Variants in FAM13A observed in about 807,000 individuals in gnomAD.
FAM13A encodes the protein family with sequence similarity 13 member A.
In FAM13A, 76 loss-of-function variants were observed where a neutral mutation model predicts 129.6. The ratio of observed to expected loss-of-function variants is 0.59; its 90% CI spans 0.49 to 0.71. FAM13A has a LOEUF of 0.71. FAM13A is among the 30% of genes least tolerant of loss of function. The pLI is 0.00. For missense variants in FAM13A, 1,108 were observed against 1,249.3 expected, an observed-to-expected ratio of 0.89 and a Z score of 1.70; for synonymous variants, 443 against 449.9, an observed-to-expected ratio of 0.98 and a Z score of 0.20.
chr4:88,990,961 C>T lies in FAM13A; in HGVS notation c.605+12G>A, dbSNP rs935531708. On this transcript the variant is annotated intron_variant, in intron 4 of 23. Transcript: ENST00000264344. ...ACATGATGATATTAACAGTAAAACT[C>T]CACTAACTTACTGAAAGCAATTTGG... 5.6e-6 allele frequency: 9 copies of T among 1,606,414 alleles called. No individual in the cohort carries two copies. The highest frequency in any genetic ancestry group is 1.1e-5 in the South Asian group (1 of 90,840).
chr4:88,960,150 G>T (rs1050865808), intron 4 of FAM13A, among the ~76,000 whole-genome samples: 2 of 152,110 alleles, frequency 1.3e-5, no homozygotes, highest in African/African-American at 4.8e-5. Context: ...TTCCCATGTG[G>T]AAATATCTAT....
chr4:88,968,371 T>C (rs1001222905), intron 4 of FAM13A, among the ~76,000 whole-genome samples: 2 of 152,184 alleles, frequency 1.3e-5, no homozygotes, highest in African/African-American at 4.8e-5. Flanking sequence ...AAACAACCAT[T>C]GTTTTCCAAC....
At chr4:88,922,539 C>T (rs1311644032) in intron 5 of FAM13A, among the ~76,000 whole-genome samples, 1 of 151,496 alleles carries the variant, frequency 6.6e-6, no homozygotes, top group Non-Finnish European at 1.5e-5. Flanking sequence ...ATCTCTGGGA[C>T]ACATTCAAAG....
At chr4:88,947,227 G>A (rs543123987) in intron 4 of FAM13A, among the ~76,000 whole-genome samples, 1 of 152,174 alleles carries the variant, frequency 6.6e-6, no homozygotes, top group Admixed American at 6.5e-5. Flanking sequence ...TGGCCAACAT[G>A]GTAAAACCCT....
intron 4 of FAM13A, among the ~76,000 whole-genome samples, chr4:88,942,458 T>C (rs1250010676): frequency 2.0e-5 from 3 of 151,852 alleles, no homozygotes; most frequent in African/African-American, 2.4e-5. Flanking sequence ...TCCCAGCTAC[T>C]TGGGAGGCTG....
intron 5 of FAM13A, among the ~76,000 whole-genome samples, chr4:88,930,271 T>C (rs1036422391): frequency 6.6e-6 from 1 of 152,210 alleles, no homozygotes; most frequent in Non-Finnish European, 1.5e-5. Context: ...TTCATGTTTT[T>C]TATGTCCTTC....
intron 4 of FAM13A, among the ~76,000 whole-genome samples, chr4:88,981,693 A>G (rs1484452463): frequency 6.6e-6 from 1 of 152,186 alleles, no homozygotes; most frequent in Non-Finnish European, 1.5e-5. Flanking sequence ...GATATGAAAT[A>G]ATGTAAAGTA....
intron 7 of FAM13A, among the ~76,000 whole-genome samples, chr4:88,825,930 T>G (rs1349075705): frequency 6.6e-6 from 1 of 152,194 alleles, no homozygotes; most frequent in Non-Finnish European, 1.5e-5. Flanking sequence ...TGATCTATTT[T>G]GGGGGCATTA....
At chr4:88,838,600 G>A (rs113285274) in intron 7 of FAM13A, among the ~76,000 whole-genome samples, 10,591 of 152,012 alleles carry the variant, frequency 0.07, 512 homozygotes, top group African/African-American at 0.14. Context: ...GGTGGCGGGC[G>A]CCTGTAGTCC....
chr4:88,894,248 A>G (rs1432731086), intron 6 of FAM13A, among the ~76,000 whole-genome samples: 1 of 152,212 alleles, frequency 6.6e-6, no homozygotes, highest in Non-Finnish European at 1.5e-5. Flanking sequence ...TATTCACTTA[A>G]AAATATTTGT....
In FAM13A at chr4:88,750,511, G is replaced by A; in HGVS notation, c.1853C>T (p.Pro618Leu). 2 of 1,614,192 alleles carry A rather than the reference G, an allele frequency of 1.2e-6. No individual in the cohort carries two copies. The highest frequency in any genetic ancestry group is 1.6e-4 in the Middle Eastern group (1 of 6,062). The change falls in exon 15 of 24, where the codon CCT becomes CTT. Residue 618 changes from proline to leucine, a missense_variant. Around this residue, in one of 3 missense-constraint regions of FAM13A, gnomAD observed 529 missense variants for 621.2 expected, o/e 0.85. Coordinates refer to ENST00000264344, the MANE Select transcript of FAM13A (RefSeq NM_014883.4). ...LDEDSDPMLSPRFYAYGQSRQ... is the reference protein window; with the variant it reads ...LDEDSDPMLSLRFYAYGQSRQ... ...GCTCTGCCCATAAGCGTAGAACCGA[G>A]GAGAGAGCATGGGGTCGCTGTCTTC...
chr4:88,770,732 G>C (rs1020852463), intron 11 of FAM13A, among the ~76,000 whole-genome samples: 1 of 151,938 alleles, frequency 6.6e-6, no homozygotes, highest in African/African-American at 2.4e-5. Context: ...ACAGGTGTTA[G>C]GAACTACAGA....
Position 88,747,869 on chromosome 4 carries a change from G to A in FAM13A, c.2162-18C>T. ...TTTTGATTCTAGTTGAGAAGATTTG[G>A]GGGTAAAGATATATGAGATTTATTT... On this transcript the variant is annotated intron_variant, in intron 17 of 23. Coordinates refer to ENST00000264344, the MANE Select transcript of FAM13A (RefSeq NM_014883.4). The A allele has an allele frequency of 6.6e-7, 1 of 1,523,100 alleles. No individual in the cohort carries two copies. The highest frequency in any genetic ancestry group is 1.4e-5 in the African/African-American group (1 of 72,552). 94.3% of individuals were successfully genotyped at this position (1,523,100 alleles called of 1,614,324 possible).
chr4:88,804,222 C>T (rs1728105881), intron 8 of FAM13A, among the ~76,000 whole-genome samples: 1 of 152,182 alleles, frequency 6.6e-6, no homozygotes, highest in African/African-American at 2.4e-5. Flanking sequence ...CACTGCAATC[C>T]AGCCTGGGCA....
chr4:88,956,040 T>C (rs1296827301), intron 4 of FAM13A, among the ~76,000 whole-genome samples: 1 of 152,194 alleles, frequency 6.6e-6, no homozygotes, highest in Non-Finnish European at 1.5e-5. Context: ...GGTTAATTTA[T>C]TATGGGAGAA....
chr4:88,978,710 G>C (rs1921685), intron 4 of FAM13A, among the ~76,000 whole-genome samples: 105,568 of 151,922 alleles, frequency 0.69, 36,795 homozygotes, highest in Middle Eastern at 0.79. Context: ...AGGAGAATGG[G>C]GTAAACCTGG....
intron 5 of FAM13A, among the ~76,000 whole-genome samples, chr4:88,921,368 C>G (rs1460179498): frequency 6.6e-6 from 1 of 152,188 alleles, no homozygotes; most frequent in Admixed American, 6.5e-5. Context: ...AGAAACTCTA[C>G]CAGCCAGAAG....
At chr4:88,957,585 C>T (rs1757954516) in intron 4 of FAM13A, among the ~76,000 whole-genome samples, 1 of 152,164 alleles carries the variant, frequency 6.6e-6, no homozygotes, top group African/African-American at 2.4e-5. Flanking sequence ...GCTCTAAAGA[C>T]ACCTGAAAAT....
intron 7 of FAM13A, among the ~76,000 whole-genome samples, chr4:88,828,488 G>T (rs1204360636): frequency 6.6e-6 from 1 of 152,052 alleles, no homozygotes; most frequent in East Asian, 1.9e-4. Context: ...TATCGATGAT[G>T]ATTTTTATCT....
Sources: allele counts gnomAD v4.1 joint callset (sites outside exome capture counted in the v4.1 genomes callset), GRCh38; gene constraint gnomAD v4.1.1; regional missense constraint gnomAD v4.1.1; transcripts MANE v1.5; gene names NCBI Gene and HGNC (gene_info 2026-07-23, HGNC 2026-07-21).